The following OS9 variants were observed in gnomAD, a reference collection of about 807,000 sequenced individuals.
The protein encoded by OS9 is OS9 endoplasmic reticulum lectin.
In OS9, 58 loss-of-function variants were observed where a neutral mutation model predicts 84.7. That is an observed-to-expected ratio of 0.68 (90% CI 0.55 to 0.85). OS9 has a LOEUF of 0.85. Ranked by LOEUF, OS9 falls within the 40% of genes least tolerant of loss-of-function variation. The probability of loss-of-function intolerance (pLI) is 0.00; values close to 1 mark genes in which losing one functional copy is unlikely to be tolerated. For missense variants in OS9, 760 were observed against 850.9 expected, an observed-to-expected ratio of 0.89 and a Z score of 1.33; for synonymous variants, 278 against 320.8, an observed-to-expected ratio of 0.87 and a Z score of 1.43.
At chr12:57,702,472 A>G (rs766275345) in intron 5 of OS9, among the ~76,000 whole-genome samples, 1 of 152,206 alleles carries the variant, frequency 6.6e-6, no homozygotes, top group Non-Finnish European at 1.5e-5. Flanking sequence ...TTGTTTACCT[A>G]TTTATCAATG....
intron 5 of OS9, among the ~76,000 whole-genome samples, chr12:57,706,151 A>T (rs1458462926): frequency 6.6e-6 from 1 of 152,126 alleles, no homozygotes; most frequent in Non-Finnish European, 1.5e-5. Context: ...TTTTGCAGAT[A>T]CCTTTTATCA....
chr12:57,710,400 C>G (rs951796842), intron 5 of OS9, among the ~76,000 whole-genome samples: 8 of 152,156 alleles, frequency 5.3e-5, no homozygotes, highest in Non-Finnish European at 1.0e-4. Context: ...ACTGGTCAGT[C>G]ACATCAGAGG....
intron 8 of OS9, 87 bp downstream of exon 8, chr12:57,716,599 A>C: frequency 8.7e-6 from 13 of 1,498,842 alleles, no homozygotes; most frequent in Non-Finnish European, 1.2e-5. Flanking sequence ...ACATCTACCT[A>C]GGGATGCAAG....
chr12:57,712,231 A>T (rs1319332880), intron 5 of OS9, among the ~76,000 whole-genome samples: 2 of 152,166 alleles, frequency 1.3e-5, no homozygotes, highest in East Asian at 3.8e-4. Context: ...TTTTGTTTTT[A>T]AAAAATTGAT....
chr12:57,705,101 T>C lies in OS9; in HGVS notation c.579+8728T>C, dbSNP rs889550096. Among the ~76,000 whole-genome samples the C allele has an allele frequency of 4.6e-5, 7 of 152,218 alleles. No homozygotes were observed. In the East Asian group the frequency reaches 1.3e-3, roughly 29 times the overall value. On this transcript the variant is annotated intron_variant, in intron 5 of 14. Coordinates refer to ENST00000315970, the MANE Select transcript of OS9 (RefSeq NM_006812.4). The stretch of plus-strand genomic sequence containing the variant: ...CTTCTTGGCTTCTCTTTTGTTCCAA[T>C]AGTCTATCTATTCCTATGTCATTAC...
At chr12:57,714,772 AT>A (rs539708310) in intron 5 of OS9, among the ~76,000 whole-genome samples, 1 of 151,838 alleles carries the variant, frequency 6.6e-6, no homozygotes, top group East Asian at 2.0e-4. Context: ...ATTTTTAAAA[AT>A]TTTTTGTGGA....
intron 2 of OS9, chr12:57,695,203 C>T (rs536771374): frequency 4.2e-6 from 2 of 478,836 alleles, no homozygotes; most frequent in African/African-American, 3.9e-5. Flanking sequence ...CTTCCTTAAG[C>T]CTACTTGCTA....
At chr12:57,718,964 G>A in intron 11 of OS9, 29 bp from the exon 12 acceptor site, 1 of 1,581,202 alleles carries the variant, frequency 6.3e-7, no homozygotes, top group Non-Finnish European at 8.7e-7. Context: ...CCAGACCCTT[G>A]ACTCACTCTC....
intron 5 of OS9, among the ~76,000 whole-genome samples, chr12:57,709,155 G>C (rs921912845): frequency 8.5e-5 from 13 of 152,084 alleles, no homozygotes; most frequent in Non-Finnish European, 1.8e-4. Flanking sequence ...CTAATGGCTT[G>C]CTGGTCTTTT....
rs573083969 is a variant in OS9 at position 57,712,929 on chromosome 12, G to C, written c.580-2831G>C. Among the ~76,000 whole-genome samples, 4 of 152,136 alleles carry C rather than the reference G, an allele frequency of 2.6e-5. No homozygotes were observed. The South Asian group carries it at 8.3e-4, about 32-fold the overall frequency. On this transcript the variant is annotated intron_variant, in intron 5 of 14. Transcript: ENST00000315970. The stretch of plus-strand genomic sequence containing the variant: ...GCCTCTGCTGGTATCACCCCCAGCT[G>C]TTAGGCTCCATTCATTGCCAACTAA...
At chr12:57,715,189 C>T (rs1294526578) in intron 5 of OS9, among the ~76,000 whole-genome samples, 1 of 151,986 alleles carries the variant, frequency 6.6e-6, no homozygotes. Flanking sequence ...CATGGTGAAA[C>T]CCTGTCTCTA....
Position 57,694,336 on chromosome 12 carries a change from T to A in OS9, c.162+13T>A, listed in dbSNP as rs769133887. The A allele has an allele frequency of 6.2e-7, 1 of 1,613,500 alleles. No individual in the cohort carries two copies. Among genetic ancestry groups the A allele is most frequent in the African/African-American group, 1.3e-5 (1 of 74,830 alleles). On this transcript the variant is annotated intron_variant, in intron 1 of 14. Coordinates refer to ENST00000315970, the MANE Select transcript of OS9 (RefSeq NM_006812.4). ...CATGGGAGGGCAGGTGAGAGGCGTATAAGGGGCGAGGGTCTGGGCAGAAGA... is the reference window on the plus strand; with the variant it reads ...CATGGGAGGGCAGGTGAGAGGCGTAAAAGGGGCGAGGGTCTGGGCAGAAGA...
At chr12:57,709,540 T>TA (rs1954268136) in intron 5 of OS9, among the ~76,000 whole-genome samples, 1 of 152,210 alleles carries the variant, frequency 6.6e-6, no homozygotes, top group African/African-American at 2.4e-5. Context: ...GATGAATTTT[T>TA]AAAAAATTGT....
chr12:57,719,541 G>T, intron 12 of OS9: 1 of 229,172 alleles, frequency 4.4e-6, no homozygotes, highest in Non-Finnish European at 8.5e-6. Context: ...ACCAAGAGAG[G>T]CCCCAGCTGT....
intron 5 of OS9, among the ~76,000 whole-genome samples, chr12:57,712,525 A>C (rs1394990535): frequency 1.3e-5 from 2 of 152,156 alleles, no homozygotes; most frequent in African/African-American, 4.8e-5. Context: ...TTATTAATAT[A>C]ATGGCTACTT....
At chr12:57,701,464 A>AG (rs1227055371) in intron 5 of OS9, among the ~76,000 whole-genome samples, 2 of 151,372 alleles carry the variant, frequency 1.3e-5, no homozygotes, top group Non-Finnish European at 2.9e-5. Flanking sequence ...TTAGTAGGGA[A>AG]GGGGTTTCAC....
At chr12:57,711,770 C>A (rs891540928) in intron 5 of OS9, among the ~76,000 whole-genome samples, 1 of 152,146 alleles carries the variant, frequency 6.6e-6, no homozygotes, top group Non-Finnish European at 1.5e-5. Context: ...TTACATTGTA[C>A]ATATATGCAT....
chr12:57,701,911 C>T (rs1176114824), intron 5 of OS9, among the ~76,000 whole-genome samples: 1 of 152,122 alleles, frequency 6.6e-6, no homozygotes, highest in African/African-American at 2.4e-5. Context: ...ATTGTCCTGC[C>T]TCAGCCTCCT....
chr12:57,718,088 G>C lies in OS9; in HGVS notation c.1135-58G>C, dbSNP rs115191325. 1,683 of 1,575,316 alleles carry C rather than the reference G, an allele frequency of 1.1e-3. 28 individuals are homozygous for C. The African/African-American group carries it at 0.02, about 18-fold the overall frequency. On this transcript the variant is annotated intron_variant, in intron 10 of 14. Coordinates refer to ENST00000315970, the MANE Select transcript of OS9 (RefSeq NM_006812.4). ...CACCTGCTACTGTTTGTCTGCCCCC[G>C]ACCATGTGTCTCTGTTGAAACCCCA...
Sources: gnomAD v4.1 joint callset for allele counts (sites outside exome capture counted in the v4.1 genomes callset) on GRCh38, gnomAD v4.1.1 for gene constraint, MANE v1.5 for transcripts, NCBI Gene and HGNC (gene_info 2026-07-23, HGNC 2026-07-21) for gene names.